Variants in ATP4B observed in about 807,000 individuals in gnomAD.
The protein encoded by ATP4B is potassium-transporting ATPase subunit beta.
In ATP4B, 27 loss-of-function variants were observed where a neutral mutation model predicts 35.3. The observed-to-expected ratio is 0.76, with a 90% CI of 0.56 to 1.05. ATP4B has a LOEUF of 1.05. Ranked by LOEUF, ATP4B falls within the 50% of genes least tolerant of loss-of-function variation. ATP4B has a pLI of 0.00. For synonymous variants in ATP4B, 162 were observed against 156.0 expected (o/e 1.04, Z -0.29); for missense variants, 375 against 384.8 (o/e 0.97, Z 0.21).
Position 113,650,548 on chromosome 13 carries a change from G to A in ATP4B, c.613-41C>T, listed in dbSNP as rs771515520. 78 of 1,518,934 alleles carry A rather than the reference G, an allele frequency of 5.1e-5. No individual in the cohort carries two copies. The highest frequency in any genetic ancestry group is 6.7e-5 in the Non-Finnish European group (74 of 1,110,812). 94.1% of individuals were successfully genotyped at this position (1,518,934 alleles called of 1,614,324 possible). On this transcript the variant is annotated intron_variant, in intron 5 of 6. Coordinates refer to ENST00000335288, the MANE Select transcript of ATP4B (RefSeq NM_000705.4). The surrounding 1 kb of genome is among the most constrained non-coding windows in gnomAD (Gnocchi z 5.0). ...CACTGCCTGAGTCAGGCGGGAGCTG[G>A]TGTGTGCCGGTGTCTGTGTGTTGCG...
At chr13:113,651,003 G>A (rs758702459) in intron 5 of ATP4B, among the ~76,000 whole-genome samples, 2 of 151,888 alleles carry the variant, frequency 1.3e-5, no homozygotes, top group Non-Finnish European at 2.9e-5. Context: ...CTCAGGAGCC[G>A]CAGTGTGGCC....
At chr13:113,653,270 A>G (rs2049727550) in intron 3 of ATP4B, 51 bp downstream of exon 3, 2 of 1,566,500 alleles carry the variant, frequency 1.3e-6, no homozygotes, top group Non-Finnish European at 8.8e-7. Flanking sequence ...CCGCCGCTTC[A>G]CACCTCACCC....
chr13:113,654,082 T>C (rs1024950258), intron 2 of ATP4B, among the ~76,000 whole-genome samples: 2 of 152,218 alleles, frequency 1.3e-5, no homozygotes, highest in Admixed American at 6.5e-5. Flanking sequence ...TCATTTTGTG[T>C]CAACTCACCT....
At chr13:113,657,318 G>C (rs1478057057) in intron 1 of ATP4B, among the ~76,000 whole-genome samples, 1 of 152,230 alleles carries the variant, frequency 6.6e-6, no homozygotes, top group Non-Finnish European at 1.5e-5. Context: ...GGGGTCGCAG[G>C]GGGAGGTGGG....
Position 113,652,192 on chromosome 13 carries a change from G to A in ATP4B, c.556-465C>T, listed in dbSNP as rs187050689. Reference sequence around the variant, plus strand: ...CCCCAGCCATCCCCTGCTGTGCTCCGAGGGTGGCAGCTGCCATGAGACGGG... The same window carrying A: ...CCCCAGCCATCCCCTGCTGTGCTCCAAGGGTGGCAGCTGCCATGAGACGGG... On this transcript the variant is annotated intron_variant, in intron 4 of 6. Coordinates refer to ENST00000335288, the MANE Select transcript of ATP4B (RefSeq NM_000705.4). Among the ~76,000 whole-genome samples the A allele has an allele frequency of 7.2e-5, 11 of 152,314 alleles. No homozygotes were observed. In the East Asian group the frequency reaches 7.7e-4, roughly 11 times the overall value.
At chr13:113,652,746 A>C (rs1415324453) in intron 4 of ATP4B, 127 bp downstream of exon 4, 1 of 1,075,188 alleles carries the variant, frequency 9.3e-7, no homozygotes, top group African/African-American at 1.6e-5. Context: ...CAGGGTGGTG[A>C]GGCTGGAGTC....
chr13:113,651,333 AC>A (rs2140699889), intron 5 of ATP4B, among the ~76,000 whole-genome samples: 1 of 152,362 alleles, frequency 6.6e-6, no homozygotes, highest in East Asian at 1.9e-4. Context: ...GCAAGCTGGA[AC>A]CTTTTTGTAA....
At chr13:113,651,400 C>T (rs1279988381) in intron 5 of ATP4B, among the ~76,000 whole-genome samples, 1 of 152,242 alleles carries the variant, frequency 6.6e-6, no homozygotes, top group African/African-American at 2.4e-5. Context: ...TTCCACATCG[C>T]CACCAGGCGT....
At position 113,649,889 on chromosome 13, in the gene ATP4B, G is replaced by A. The variant is rs536128176; in HGVS notation, c.715-354C>T. ...GGGAAGTAGAAAAATTAGGCTGGGC[G>A]CAGTGGCTCATGCCTGTAATCCTAG... On this transcript the variant is annotated intron_variant, in intron 6 of 6. Transcript: ENST00000335288. This position sits in a 1 kb window ranked among gnomAD's most constrained non-coding sequence, Gnocchi z 4.7. Among the ~76,000 whole-genome samples the A allele has an allele frequency of 3.2e-4, 48 of 152,296 alleles. No homozygotes were observed. The highest frequency in any genetic ancestry group is 1.1e-3 in the African/African-American group (46 of 41,558).
intron 3 of ATP4B, 65 bp downstream of exon 3, chr13:113,653,256 C>T: frequency 6.6e-7 from 1 of 1,510,122 alleles, no homozygotes; most frequent in African/African-American, 1.4e-5. Context: ...CACACCTCAC[C>T]CACCCGCCGC....
chr13:113,656,973 C>T lies in ATP4B; in HGVS notation c.112+1060G>A, dbSNP rs145251100. ...CTGGCCCAGGAGGCCCTTCTGCCCC[C>T]GGTCCCTGCCTCTCTAGGAACGGGG... On this transcript the variant is annotated intron_variant, in intron 1 of 6. Coordinates refer to ENST00000335288, the MANE Select transcript of ATP4B (RefSeq NM_000705.4). 5.5e-3 allele frequency among the ~76,000 whole-genome samples: 845 copies of T among 152,306 alleles called. 12 individuals are homozygous for T. The highest frequency in any genetic ancestry group is 0.018 in the African/African-American group (769 of 41,572).
chr13:113,650,402 C>G lies in ATP4B; in HGVS notation c.714+4G>C. ...TGAGGGAAGCGTGGAAGGAAGGAAC[C>G]TACCTGGGCTTTCTTCCCGTAATAA... On this transcript the variant is annotated splice_donor_region_variant and intron_variant, in intron 6 of 6. Transcript: ENST00000335288. This position sits in a 1 kb window ranked among gnomAD's most constrained non-coding sequence, Gnocchi z 5.0. 1 of 1,613,662 alleles carries G rather than the reference C, an allele frequency of 6.2e-7. No homozygotes were observed. Among genetic ancestry groups the G allele is most frequent in the African/African-American group, 1.3e-5 (1 of 75,044 alleles).
At position 113,649,341 on chromosome 13, in the gene ATP4B, G is replaced by T. The variant is rs367706989; in HGVS notation, c.*33C>A. 1.3e-6 allele frequency: 2 copies of T among 1,571,492 alleles called. No homozygotes were observed. Among genetic ancestry groups the T allele is most frequent in the Non-Finnish European group, 1.7e-6 (2 of 1,157,066 alleles). Reference sequence around the variant, plus strand: ...CAGGAGGGTGTCCTTGAGCGACCCCGCAGGCGTGCCCAGGACCCCTGCGCA... The same window carrying T: ...CAGGAGGGTGTCCTTGAGCGACCCCTCAGGCGTGCCCAGGACCCCTGCGCA... On this transcript the variant is annotated 3_prime_UTR_variant, in exon 7 of 7. Coordinates refer to ENST00000335288, the MANE Select transcript of ATP4B (RefSeq NM_000705.4). The surrounding 1 kb of genome is among the most constrained non-coding windows in gnomAD (Gnocchi z 4.7).
intron 1 of ATP4B, among the ~76,000 whole-genome samples, chr13:113,655,187 T>C (rs567743341): frequency 5.9e-5 from 9 of 152,196 alleles, no homozygotes; most frequent in Non-Finnish European, 7.3e-5. Context: ...GGCAGAATCC[T>C]GCGACCCGAG....
intron 1 of ATP4B, among the ~76,000 whole-genome samples, chr13:113,655,842 C>T (rs10161987): frequency 6.6e-6 from 1 of 152,204 alleles, no homozygotes; most frequent in African/African-American, 2.4e-5. Context: ...AGGGCAGGAC[C>T]AAGTCAGAGA....
Position 113,653,002 on chromosome 13 carries a change from G to A in ATP4B, c.426C>T (p.Phe142=), listed in dbSNP as rs2049724205. 3 of 1,614,162 alleles carry A rather than the reference G, an allele frequency of 1.9e-6. No individual in the cohort carries two copies. Among genetic ancestry groups the A allele is most frequent in the East Asian group, 4.5e-5 (2 of 44,878 alleles). ...AGAACTTGGTGTGGTTGGGAGCGCG[G>A]AAACTCTCCTGGAAGAAGTACTGCT... The part of the protein sequence containing the change: ...TSEQYFFQES[F]RAPNHTKFSC... Residue 142 remains phenylalanine (F), a synonymous_variant, in exon 4 of 7, where the codon TTC becomes TTT. Coordinates refer to ENST00000335288, the MANE Select transcript of ATP4B (RefSeq NM_000705.4).
In ATP4B at chr13:113,653,466, C is replaced by T. The variant is rs1332027208; in HGVS notation, c.242-32G>A. 4 of 1,582,624 alleles carry T rather than the reference C, an allele frequency of 2.5e-6. No homozygotes were observed. The African/African-American group carries it at 5.4e-5, about 21-fold the overall frequency. ...AGAGAGACCTTTGTGCTTAGCGTCT[C>T]CAAATGCTCACCACATTTAAGCCAT... is the stretch of plus-strand genomic sequence containing the variant. On this transcript the variant is annotated intron_variant, in intron 2 of 6. Transcript: ENST00000335288.
intron 4 of ATP4B, among the ~76,000 whole-genome samples, chr13:113,651,936 C>A (rs889322918): frequency 6.6e-6 from 1 of 152,184 alleles, no homozygotes; most frequent in Non-Finnish European, 1.5e-5. Flanking sequence ...AGCCCTCCCC[C>A]CACCCACCCA....
chr13:113,657,428 T>TAC (rs1222698500), intron 1 of ATP4B, among the ~76,000 whole-genome samples: 1 of 152,202 alleles, frequency 6.6e-6, no homozygotes, highest in Non-Finnish European at 1.5e-5. Context: ...TTCCACCACC[T>TAC]GTGTGGCCTT....
Sources: gnomAD v4.1 joint callset for allele counts (sites outside exome capture counted in the v4.1 genomes callset) on GRCh38, gnomAD v4.1.1 for gene constraint, Gnocchi (gnomAD v3.1) non-coding constraint, MANE v1.5 for transcripts, NCBI Gene and HGNC (gene_info 2026-07-23, HGNC 2026-07-21) for gene names.